PRKCH: variants seen among roughly 807,000 people sequenced by gnomAD.
PRKCH encodes protein kinase C eta.
In PRKCH, 28 loss-of-function variants were observed where a neutral mutation model predicts 82.5. The observed-to-expected ratio is 0.34, with a 90% CI of 0.25 to 0.47. The LOEUF (loss-of-function observed/expected upper bound fraction) is 0.47. Ranked by LOEUF, PRKCH falls within the 20% of genes least tolerant of loss-of-function variation. PRKCH has a pLI of 1.00. For synonymous variants in PRKCH, 322 were observed against 327.4 expected (o/e 0.98, Z 0.18); for missense variants, 705 against 881.8 (o/e 0.80, Z 2.54).
intron 9 of PRKCH, among the ~76,000 whole-genome samples, chr14:61,469,775 A>G (rs924797424): frequency 1.8e-4 from 27 of 152,208 alleles, no homozygotes; most frequent in Non-Finnish European, 3.4e-4. Context: ...CCATGTCAAC[A>G]TAAAGTTAGC....
chr14:61,392,512 C>T (rs2046699717), intron 2 of PRKCH, among the ~76,000 whole-genome samples: 1 of 152,166 alleles, frequency 6.6e-6, no homozygotes, highest in East Asian at 1.9e-4. Context: ...AGTACTTTCT[C>T]ACATGCTTAT....
intron 9 of PRKCH, among the ~76,000 whole-genome samples, chr14:61,477,882 C>A (rs907160226): frequency 2.6e-5 from 4 of 152,200 alleles, no homozygotes; most frequent in African/African-American, 4.8e-5. Context: ...GTTGGGGGAG[C>A]TGCTGCAGTT....
At chr14:61,235,570 T>G (rs1176931179) in intron 1 of PRKCH, among the ~76,000 whole-genome samples, 1 of 152,194 alleles carries the variant, frequency 6.6e-6, no homozygotes, top group Non-Finnish European at 1.5e-5. Context: ...CCTTCTGTTT[T>G]ACAGTACTAG....
chr14:61,531,898 C>T (rs1000445757), intron 12 of PRKCH, among the ~76,000 whole-genome samples: 9 of 152,222 alleles, frequency 5.9e-5, no homozygotes, highest in African/African-American at 2.2e-4. Context: ...CAGAGAAGGG[C>T]CTGTCTTCGT....
At chr14:61,492,203 G>T (rs1338035675) in intron 10 of PRKCH, 1 of 152,224 alleles carries the variant, frequency 6.6e-6, no homozygotes, top group African/African-American at 2.4e-5. Flanking sequence ...ACAGTGTTCA[G>T]TCAGCTGATG....
intron 1 of PRKCH, among the ~76,000 whole-genome samples, chr14:61,330,290 CT>C (rs1419534794): frequency 1.3e-5 from 2 of 152,188 alleles, no homozygotes; most frequent in African/African-American, 4.8e-5. Context: ...TGTGAACAGT[CT>C]TTGCTCAAAA....
chr14:61,490,991 C>T (rs947117963), intron 10 of PRKCH, among the ~76,000 whole-genome samples: 2 of 151,976 alleles, frequency 1.3e-5, no homozygotes, highest in African/African-American at 4.8e-5. Flanking sequence ...AGTTACTGTG[C>T]ACTCTCTCTC....
chr14:61,498,302 C>T (rs1187238566), intron 10 of PRKCH, among the ~76,000 whole-genome samples: 11 of 152,222 alleles, frequency 7.2e-5, no homozygotes, highest in South Asian at 2.1e-4. Flanking sequence ...CATGAGCCAC[C>T]GCACCTGGGC....
At chr14:61,427,713 A>G (rs994899935) in intron 2 of PRKCH, among the ~76,000 whole-genome samples, 1 of 152,052 alleles carries the variant, frequency 6.6e-6, no homozygotes, top group African/African-American at 2.4e-5. Flanking sequence ...CAGCTGCCCA[A>G]GTAGCTGGGA....
At chr14:61,319,244 C>T (rs1290668851), upstream of PRKCH, among the ~76,000 whole-genome samples, 1 of 152,234 alleles carries the variant, frequency 6.6e-6, no homozygotes, top group Non-Finnish European at 1.5e-5. Flanking sequence ...TCTGTCTCCT[C>T]AGGAGCTCTC....
At chr14:61,485,225 G>A (rs1232878169) in intron 9 of PRKCH, among the ~76,000 whole-genome samples, 2 of 152,082 alleles carry the variant, frequency 1.3e-5, no homozygotes, top group African/African-American at 2.4e-5. Flanking sequence ...GCTGGAACTC[G>A]AGTCAAAGGT....
chr14:61,501,955 T>A (rs1886927767), intron 10 of PRKCH, among the ~76,000 whole-genome samples: 1 of 152,098 alleles, frequency 6.6e-6, no homozygotes, highest in South Asian at 2.1e-4. Context: ...GGTGGTATAT[T>A]ATCTACCTGA....
intron 12 of PRKCH, among the ~76,000 whole-genome samples, chr14:61,533,665 C>T (rs552883782): frequency 6.6e-6 from 1 of 152,296 alleles, no homozygotes; most frequent in Non-Finnish European, 1.5e-5. Context: ...GGCAAATGGC[C>T]TAATTCTTCC....
chr14:61,510,637 T>A (rs1887336915), intron 10 of PRKCH, among the ~76,000 whole-genome samples: 1 of 151,994 alleles, frequency 6.6e-6, no homozygotes, highest in Non-Finnish European at 1.5e-5. Context: ...GCGGCCTGGC[T>A]CTCCGGAGAG....
intron 2 of PRKCH, among the ~76,000 whole-genome samples, chr14:61,418,512 T>A (rs983404269): frequency 1.3e-5 from 2 of 152,254 alleles, no homozygotes; most frequent in Non-Finnish European, 2.9e-5. Flanking sequence ...CGTGTGGCTC[T>A]GTCTTTATCC....
At chr14:61,531,506 CT>C (rs1030641079) in intron 12 of PRKCH, among the ~76,000 whole-genome samples, 5 of 152,178 alleles carry the variant, frequency 3.3e-5, no homozygotes, top group Non-Finnish European at 7.3e-5. Flanking sequence ...ACTTGTTTCT[CT>C]TTAGAAACTT....
intron 1 of PRKCH, among the ~76,000 whole-genome samples, chr14:61,382,294 G>A (rs143683664): frequency 6.6e-6 from 1 of 152,244 alleles, no homozygotes; most frequent in East Asian, 1.9e-4. Flanking sequence ...GCTGGGCGTG[G>A]TGGTGTACAC....
intron 2 of PRKCH, among the ~76,000 whole-genome samples, chr14:61,404,783 A>T (rs1885779176): frequency 6.6e-6 from 1 of 152,146 alleles, no homozygotes; most frequent in South Asian, 2.1e-4. Context: ...GGTCTGAAGA[A>T]AGGGAGGGAG....
intron 10 of PRKCH, among the ~76,000 whole-genome samples, chr14:61,505,395 C>CTTTTTCTTTTTTTTTTTTTTTTTT (rs1887099057): frequency 1.4e-4 from 8 of 55,740 alleles, no homozygotes; most frequent in African/African-American, 2.6e-4. Context: ...CTTTTCTTTT[C>CTTTTTCTTTTTTTTTTTTTTTTTT]TTTTTTTTTT....
Sources: gnomAD v4.1 joint callset for allele counts (sites outside exome capture counted in the v4.1 genomes callset) on GRCh38, gnomAD v4.1.1 for gene constraint, MANE v1.5 for transcripts, NCBI Gene and HGNC (gene_info 2026-07-23, HGNC 2026-07-21) for gene names.